The following RAB3C variants were observed in gnomAD, a reference collection of about 807,000 sequenced individuals.
RAB3C encodes the protein ras-related protein Rab-3C.
Under a neutral mutation model 26.4 loss-of-function variants are expected in RAB3C, and 17 were observed. The ratio of observed to expected loss-of-function variants is 0.64; its 90% CI spans 0.44 to 0.97. RAB3C has a LOEUF of 0.97. Among genes scored for constraint, RAB3C ranks in the 50% least tolerant of loss-of-function variants. The probability of loss-of-function intolerance (pLI) is 0.00; values close to 1 mark genes in which losing one functional copy is unlikely to be tolerated. For synonymous variants in RAB3C, 91 were observed against 95.9 expected (o/e 0.95, Z 0.30); for missense variants, 242 against 281.9 (o/e 0.86, Z 1.01).
At chr5:58,731,181 C>G (rs188609207) in intron 3 of RAB3C, among the ~76,000 whole-genome samples, 1 of 151,986 alleles carries the variant, frequency 6.6e-6, no homozygotes, top group Non-Finnish European at 1.5e-5. Context: ...TAGCAAGCAG[C>G]GAGCTAACAG....
chr5:58,600,369 TGTGAAGAATAATG>T (rs1746423369), intron 1 of RAB3C, among the ~76,000 whole-genome samples: 1 of 152,168 alleles, frequency 6.6e-6, no homozygotes, highest in African/African-American at 2.4e-5. Flanking sequence ...TTTCTAATTC[TGTGAAGAATAATG>T]GTGATATTTT....
intron 1 of RAB3C, 118 bp downstream of exon 1, chr5:58,583,350 G>A: frequency 6.4e-7 from 1 of 1,558,818 alleles, no homozygotes; most frequent in Admixed American, 2.0e-5. Context: ...GCGGAGATGC[G>A]GCTCTGTGAC....
intron 2 of RAB3C, among the ~76,000 whole-genome samples, chr5:58,715,438 C>T (rs73102347): frequency 0.059 from 8,962 of 151,534 alleles, 879 homozygotes; most frequent in African/African-American, 0.2. Flanking sequence ...TTTAAAAGTA[C>T]GGAAGGGAAT....
intron 3 of RAB3C, among the ~76,000 whole-genome samples, chr5:58,773,093 A>T (rs747987342): frequency 6.6e-6 from 1 of 152,190 alleles, no homozygotes; most frequent in Non-Finnish European, 1.5e-5. Flanking sequence ...ATTTCAGATA[A>T]AGTCCTAAGA....
At chr5:58,702,840 G>A (rs2111882410) in intron 2 of RAB3C, among the ~76,000 whole-genome samples, 1 of 152,032 alleles carries the variant, frequency 6.6e-6, no homozygotes, top group Non-Finnish European at 1.5e-5. Context: ...CACATTTTCA[G>A]TTAATCTTTT....
At chr5:58,630,048 G>A (rs959943759) in intron 2 of RAB3C, among the ~76,000 whole-genome samples, 4 of 152,136 alleles carry the variant, frequency 2.6e-5, no homozygotes, top group African/African-American at 9.7e-5. Flanking sequence ...TGTACGTTGA[G>A]TCTCACAAAT....
At chr5:58,806,742 C>G (rs867493107) in intron 3 of RAB3C, among the ~76,000 whole-genome samples, 41 of 152,056 alleles carry the variant, frequency 2.7e-4, no homozygotes, top group African/African-American at 9.4e-4. Context: ...CACTGGGGAA[C>G]AAAATCACCC....
chr5:58,666,089 A>G (rs1221312665), intron 2 of RAB3C, among the ~76,000 whole-genome samples: 2 of 152,186 alleles, frequency 1.3e-5, no homozygotes, highest in Non-Finnish European at 2.9e-5. Context: ...GCTGTACTAT[A>G]TTTTAATTCC....
chr5:58,835,168 TA>T (rs1395212999), intron 4 of RAB3C, among the ~76,000 whole-genome samples: 4 of 152,144 alleles, frequency 2.6e-5, no homozygotes, highest in African/African-American at 7.2e-5. Flanking sequence ...GCCCTTCTTC[TA>T]AACCTCTACT....
At chr5:58,677,324 G>A (rs1318870663) in intron 2 of RAB3C, among the ~76,000 whole-genome samples, 1 of 152,126 alleles carries the variant, frequency 6.6e-6, no homozygotes, top group African/African-American at 2.4e-5. Flanking sequence ...TAAATTTCGG[G>A]GAGTGGGCAC....
At chr5:58,682,841 T>C (rs1274819241) in intron 2 of RAB3C, among the ~76,000 whole-genome samples, 1 of 152,186 alleles carries the variant, frequency 6.6e-6, no homozygotes, top group Non-Finnish European at 1.5e-5. Flanking sequence ...TGAATCCATA[T>C]ATTTTCTCAA....
chr5:58,655,057 T>C (rs1040618883), intron 2 of RAB3C, among the ~76,000 whole-genome samples: 1 of 152,212 alleles, frequency 6.6e-6, no homozygotes, highest in African/African-American at 2.4e-5. Flanking sequence ...TAAAGCAGGA[T>C]ACAAGGGACA....
chr5:58,834,850 T>C (rs561408641), intron 4 of RAB3C, among the ~76,000 whole-genome samples: 1 of 152,370 alleles, frequency 6.6e-6, no homozygotes, highest in African/African-American at 2.4e-5. Flanking sequence ...GTCTCTTTTG[T>C]GCTTCCCAGT....
In RAB3C at chr5:58,635,363, T is replaced by G. The variant is rs991628946; in HGVS notation, c.252+17493T>G. On this transcript the variant is annotated intron_variant, in intron 2 of 4. Transcript: ENST00000282878. ...AATGGGAACTTTCCAAAGGAATGCA[T>G]TTTAATCTGGGTGCAATGGTGTAAA... Among the ~76,000 whole-genome samples, 52 of 152,196 alleles carry G rather than the reference T, an allele frequency of 3.4e-4. 1 individual carries two copies. The highest frequency in any genetic ancestry group is 3.4e-3 in the Admixed American group (52 of 15,284).
At chr5:58,782,005 T>C (rs1742280159) in intron 3 of RAB3C, among the ~76,000 whole-genome samples, 1 of 152,204 alleles carries the variant, frequency 6.6e-6, no homozygotes, top group East Asian at 1.9e-4. Context: ...GTAATACTTT[T>C]CACTATCTTT....
In RAB3C at chr5:58,604,454, G is replaced by A. The variant is rs114444686; in HGVS notation, c.25-13189G>A. Among the ~76,000 whole-genome samples, 350 of 152,302 alleles carry A rather than the reference G, an allele frequency of 2.3e-3. 3 individuals carry two copies. The highest frequency in any genetic ancestry group is 8.1e-3 in the African/African-American group (336 of 41,580). ...ATGGGGAGTGGGACTAGGCCTGTCT[G>A]AGCTCAGACTCTCTTTGAGTGGGTC... On this transcript the variant is annotated intron_variant, in intron 1 of 4. Transcript: ENST00000282878.
rs115909279 is a variant in RAB3C at position 58,753,377 on chromosome 5, T to C, written c.371+27257T>C. Among the ~76,000 whole-genome samples, 617 of 152,294 alleles carry C rather than the reference T, an allele frequency of 4.1e-3. 6 individuals are homozygous for C. Among genetic ancestry groups the C allele is most frequent in the African/African-American group, 0.014 (566 of 41,562 alleles). ...TTAAGAAGCAGTTATTTCTTAAAAG[T>C]AAATTTTAAGAAATGCCAAGTAAAT... On this transcript the variant is annotated intron_variant, in intron 3 of 4. Coordinates refer to ENST00000282878, the MANE Select transcript of RAB3C (RefSeq NM_138453.4).
chr5:58,628,429 A>G (rs1747112013), intron 2 of RAB3C, among the ~76,000 whole-genome samples: 1 of 152,180 alleles, frequency 6.6e-6, no homozygotes, highest in Non-Finnish European at 1.5e-5. Flanking sequence ...AAGGGAACAG[A>G]GAAAGAGCAG....
At chr5:58,740,622 T>A (rs1359135873) in intron 3 of RAB3C, among the ~76,000 whole-genome samples, 1 of 151,986 alleles carries the variant, frequency 6.6e-6, no homozygotes, top group Non-Finnish European at 1.5e-5. Flanking sequence ...GAGATAAAGA[T>A]CAGCCTGGCC....
Sources: gnomAD v4.1 joint callset for allele counts (sites outside exome capture counted in the v4.1 genomes callset) on GRCh38, gnomAD v4.1.1 for gene constraint, MANE v1.5 for transcripts, NCBI Gene and HGNC (gene_info 2026-07-23, HGNC 2026-07-21) for gene names.